Variants in DMPK observed in about 807,000 individuals in gnomAD.
DMPK encodes DM1 protein kinase, also known as myotonin-protein kinase.
In DMPK, 32 loss-of-function variants were observed where a neutral mutation model predicts 70.3. That is an observed-to-expected ratio of 0.46 (90% CI 0.34 to 0.61). DMPK has a LOEUF of 0.61. Among genes scored for constraint, DMPK ranks in the 20% least tolerant of loss-of-function variants. The probability of loss-of-function intolerance (pLI) is 0.01; values close to 1 mark genes in which losing one functional copy is unlikely to be tolerated. For missense variants in DMPK, 899 were observed against 886.0 expected (o/e 1.01, Z -0.19); for synonymous variants, 469 against 390.9 (o/e 1.20, Z -2.36).
intron 1 of DMPK, chr19:45,780,735 T>G: frequency 9.1e-6 from 4 of 439,142 alleles, no homozygotes; most frequent in Non-Finnish European, 1.2e-5. Flanking sequence ...AGAGAGGGGT[T>G]CCGGGGGGTT....
At chr19:45,779,953 C>T (rs1970025608) in intron 1 of DMPK, 84 bp from the exon 2 acceptor site, 1 of 1,596,760 alleles carries the variant, frequency 6.3e-7, no homozygotes, top group African/African-American at 1.3e-5. Context: ...CTCTGTCTGT[C>T]TCCCCTTCTC....
intron 9 of DMPK, 115 bp from the exon 10 acceptor site, chr19:45,772,867 G>C (rs1182938684): frequency 1.9e-6 from 1 of 539,500 alleles, no homozygotes; most frequent in Admixed American, 4.4e-5. Flanking sequence ...CTGATTTGAG[G>C]AAGGGGAGCA....
chr19:45,771,363 TCCGTGGC>T lies in DMPK; in HGVS notation c.1627_1633del (p.Ala543IlefsTer6), dbSNP rs1470320084. 13 of 1,601,010 alleles carry T rather than the reference TCCGTGGC, an allele frequency of 8.1e-6. No individual in the cohort carries two copies. The highest frequency in any genetic ancestry group is 1.4e-5 in the African/African-American group (1 of 73,922). ...GAGGGGTCTTACATGGGAAGGTGGA[TCCGTGGC>T]CCGGGGACTGGGGACCCCCGTGACA... is the stretch of plus-strand genomic sequence containing the variant. On this transcript the variant is annotated frameshift_variant, in exon 13 of 15. Coordinates refer to ENST00000291270, the MANE Select transcript of DMPK (RefSeq NM_004409.5). LOFTEE classifies it high-confidence loss of function.
At chr19:45,779,211 G>A (rs1313877962) in intron 4 of DMPK, 53 bp downstream of exon 4, 3 of 1,570,916 alleles carry the variant, frequency 1.9e-6, no homozygotes, top group African/African-American at 2.7e-5. Context: ...TCCTCGTCCA[G>A]TGACAGCACG....
At chr19:45,780,967 C>T (rs986473386) in intron 1 of DMPK, among the ~76,000 whole-genome samples, 62 of 152,126 alleles carry the variant, frequency 4.1e-4, no homozygotes, top group African/African-American at 1.5e-3. Flanking sequence ...GTTTACCCTG[C>T]CAACCCAACT....
chr19:45,771,689 G>C (rs756656828), intron 11 of DMPK, 24 bp from the exon 12 acceptor site: 2 of 1,613,372 alleles, frequency 1.2e-6, no homozygotes, highest in Admixed American at 1.7e-5. Context: ...AGGACGGTGA[G>C]TCCGTCCGGG....
intron 10 of DMPK, 127 bp from the exon 11 acceptor site, chr19:45,772,055 C>G: frequency 1.6e-6 from 2 of 1,255,776 alleles, no homozygotes; most frequent in Non-Finnish European, 2.1e-6. Context: ...TTCTGGAATC[C>G]CCATAGCTCC....
rs776093870 is a variant in DMPK, at chr19:45,779,853, C to T, written c.177G>A (p.Val59=). 6.2e-7 allele frequency: 1 copy of T among 1,612,142 alleles called. No individual in the cohort carries two copies. The part of the protein sequence containing the change: ...DFLQWAEPIV[V]RLKEVRLQRD... Reference sequence around the variant, plus strand: ...TCTGCAGTCGGACCTCCTTAAGCCTCACCACGATGGGCTCCGCTGGGGGGG... The same window carrying T: ...TCTGCAGTCGGACCTCCTTAAGCCTTACCACGATGGGCTCCGCTGGGGGGG... The change falls in exon 2 of 15, where the codon GTG becomes GTA. Residue 59 remains valine, a synonymous_variant. Coordinates refer to ENST00000291270, the MANE Select transcript of DMPK (RefSeq NM_004409.5).
At chr19:45,781,475 C>T (rs553747237) in intron 1 of DMPK, among the ~76,000 whole-genome samples, 3 of 144,902 alleles carry the variant, frequency 2.1e-5, no homozygotes, top group East Asian at 2.3e-4. Context: ...CGCAGGGACC[C>T]GGGGTGGCGG....
At chr19:45,778,395 G>A (rs1969901264) in intron 5 of DMPK, 98 bp downstream of exon 5, 1 of 1,498,300 alleles carries the variant, frequency 6.7e-7, no homozygotes, top group Non-Finnish European at 9.1e-7. Flanking sequence ...CCCCAACCAA[G>A]AAGGTCCCTC....
intron 1 of DMPK, chr19:45,780,208 T>C: frequency 6.8e-7 from 1 of 1,471,910 alleles, no homozygotes; most frequent in Non-Finnish European, 8.9e-7. Context: ...GACCCAGTTC[T>C]TCCACCTTCC....
In DMPK at chr19:45,777,242, A is replaced by T; in HGVS notation, c.1146+85T>A. 1 of 1,450,920 alleles carries T rather than the reference A, an allele frequency of 6.9e-7. No homozygotes were observed. 89.9% of individuals were successfully genotyped at this position (1,450,920 alleles called of 1,614,324 possible). On this transcript the variant is annotated intron_variant, in intron 8 of 14. Coordinates refer to ENST00000291270, the MANE Select transcript of DMPK (RefSeq NM_004409.5). This position sits in a 1 kb window ranked among gnomAD's most constrained non-coding sequence, Gnocchi z 6.7. ...TGGGGAATGAGTGATTCAGGACCCC[A>T]GAAGGTAGGCACTGTCCTTACTCCA...
At chr19:45,772,487 G>A (rs950123610) in intron 10 of DMPK, 154 bp downstream of exon 10, 30 of 532,418 alleles carry the variant, frequency 5.6e-5, no homozygotes, top group African/African-American at 1.0e-4. Context: ...TACAGAGACC[G>A]TCCCATGTCT....
At chr19:45,781,454 G>T (rs1261211290) in intron 1 of DMPK, among the ~76,000 whole-genome samples, 1 of 151,912 alleles carries the variant, frequency 6.6e-6, no homozygotes, top group African/African-American at 2.4e-5. Flanking sequence ...TGGGCCAGGA[G>T]AACTAAAGGA....
At chr19:45,770,699 C>T in intron 14 of DMPK, 59 bp from the exon 15 acceptor site, 1 of 1,523,214 alleles carries the variant, frequency 6.6e-7, no homozygotes. Context: ...TCCTGGGACT[C>T]GCCCCGCCTA....
chr19:45,782,088 C>G, intron 1 of DMPK, 105 bp downstream of exon 1: 1 of 1,056,306 alleles, frequency 9.5e-7, no homozygotes, highest in South Asian at 1.7e-5. Context: ...TCTCCCCATG[C>G]CCATCCTGCC....
chr19:45,778,644 G>T lies in DMPK; in HGVS notation c.433-3C>A, dbSNP rs987351587. ...ACGTAATACTCCATGACCAGGTACT[G>T]AGAAGGGGTTCGTCATGGGTGGTTG... On this transcript the variant is annotated splice_region_variant and splice_polypyrimidine_tract_variant and intron_variant, in intron 4 of 14. Coordinates refer to ENST00000291270, the MANE Select transcript of DMPK (RefSeq NM_004409.5). 1 of 1,613,146 alleles carries T rather than the reference G, an allele frequency of 6.2e-7. No individual in the cohort carries two copies.
Position 45,770,646 on chromosome 19 carries a change from G to A in DMPK, c.1738-6C>T. On this transcript the variant is annotated splice_polypyrimidine_tract_variant and splice_region_variant and intron_variant, in intron 14 of 14. Coordinates refer to ENST00000291270, the MANE Select transcript of DMPK (RefSeq NM_004409.5). ...GATAGGCCAGGCCTAGGGACCTGCG[G>A]GGAGAGGGCGAGGTCAACACCCGGC... is the stretch of plus-strand genomic sequence containing the variant. 3 of 1,550,668 alleles carry A rather than the reference G, an allele frequency of 1.9e-6. No homozygotes were observed. The highest frequency in any genetic ancestry group is 1.4e-5 in the African/African-American group (1 of 73,186).
At chr19:45,779,919 G>A in intron 1 of DMPK, 50 bp from the exon 2 acceptor site, 1 of 1,613,264 alleles carries the variant, frequency 6.2e-7, no homozygotes, top group Non-Finnish European at 8.5e-7. Context: ...AAAGGGCACT[G>A]GAGACAAGGG....
Sources: allele counts gnomAD v4.1 joint callset (sites outside exome capture counted in the v4.1 genomes callset), GRCh38; gene constraint gnomAD v4.1.1; non-coding constraint Gnocchi (gnomAD v3.1); transcripts MANE v1.5; gene names NCBI Gene and HGNC (gene_info 2026-07-23, HGNC 2026-07-21).